SLC16A7: variants seen among roughly 807,000 people sequenced by gnomAD.
SLC16A7 encodes solute carrier family 16 member 7.
Under a neutral mutation model 34.9 loss-of-function variants are expected in SLC16A7, and 33 were observed. The ratio of observed to expected loss-of-function variants is 0.94; its 90% CI spans 0.72 to 1.26. The LOEUF is 1.26. Ranked by LOEUF, SLC16A7 falls within the 50% of genes most tolerant of loss-of-function variation. The pLI is 0.00. For synonymous variants in SLC16A7, 201 were observed against 206.6 expected, an observed-to-expected ratio of 0.97 and a Z score of 0.23; for missense variants, 573 against 578.1, an observed-to-expected ratio of 0.99 and a Z score of 0.09.
chr12:59,766,395 C>G (rs1881634664), intron 3 of SLC16A7, among the ~76,000 whole-genome samples: 1 of 152,126 alleles, frequency 6.6e-6, no homozygotes, highest in South Asian at 2.1e-4. Flanking sequence ...GAGAGGGCAT[C>G]CCTGTCTTGT....
Position 59,678,776 on chromosome 12 carries a change from C to G in SLC16A7, c.-31+23526C>G, listed in dbSNP as rs188484982. Among the ~76,000 whole-genome samples, 168 of 152,204 alleles carry G rather than the reference C, an allele frequency of 1.1e-3. 6 individuals carry two copies. The South Asian group carries it at 0.014, about 12-fold the overall frequency. Reference sequence around the variant, plus strand: ...TTCACCTGGAACCCATCCCTTTCTGCCCAGGAGTCTGTCTTCTGAAGCTGT... The same window carrying G: ...TTCACCTGGAACCCATCCCTTTCTGGCCAGGAGTCTGTCTTCTGAAGCTGT... On this transcript the variant is annotated intron_variant, in intron 2 of 5. Transcript: ENST00000547379.
chr12:59,713,046 G>A (rs373404879), intron 3 of SLC16A7, among the ~76,000 whole-genome samples: 2 of 150,994 alleles, frequency 1.3e-5, no homozygotes, highest in African/African-American at 4.9e-5. Context: ...TTGAGATGTA[G>A]TCTCGCTCTG....
chr12:59,663,544 C>T (rs771322655), intron 2 of SLC16A7, among the ~76,000 whole-genome samples: 10 of 152,118 alleles, frequency 6.6e-5, no homozygotes, highest in East Asian at 3.9e-4. Flanking sequence ...TTACTAGCCA[C>T]GAAGCACCTT....
At chr12:59,755,453 T>G (rs77164432) in intron 3 of SLC16A7, among the ~76,000 whole-genome samples, 3 of 151,442 alleles carry the variant, frequency 2.0e-5, no homozygotes, top group African/African-American at 7.3e-5. Flanking sequence ...CATTCTTATA[T>G]ACCAATAACA....
In SLC16A7 at chr12:59,677,323, G is replaced by T. The variant is rs567214305; in HGVS notation, c.-31+22073G>T. Among the ~76,000 whole-genome samples the T allele has an allele frequency of 2.0e-4, 30 of 152,218 alleles. 1 individual carries two copies. The South Asian group carries it at 6.0e-3, about 31-fold the overall frequency. ...AAATTGAACATTAAAATATTAAAGA[G>T]ATTTTTTTAAGGAGCTCTGAAACCT... On this transcript the variant is annotated intron_variant, in intron 2 of 5. Coordinates refer to ENST00000547379, the MANE Select transcript of SLC16A7 (RefSeq NM_001270623.2).
chr12:59,704,199 C>CAAAAAAAAAAA (rs34021022), intron 2 of SLC16A7, among the ~76,000 whole-genome samples: 4 of 51,606 alleles, frequency 7.8e-5, no homozygotes, highest in East Asian at 5.8e-4. Context: ...GACTCTGTCT[C>CAAAAAAAAAAA]AAAAAAAAAA....
chr12:59,699,001 G>T (rs1198725066), intron 2 of SLC16A7, among the ~76,000 whole-genome samples: 1 of 151,688 alleles, frequency 6.6e-6, no homozygotes, highest in African/African-American at 2.4e-5. Context: ...ATGTAAACAT[G>T]TATAACTGAA....
At chr12:59,665,526 T>C (rs1036630984) in intron 2 of SLC16A7, among the ~76,000 whole-genome samples, 2 of 152,030 alleles carry the variant, frequency 1.3e-5, no homozygotes, top group African/African-American at 4.8e-5. Context: ...AATATTATGG[T>C]ATGATATGAA....
In SLC16A7 at chr12:59,755,672, C is replaced by G. The variant is rs143834080; in HGVS notation, c.218-15547C>G. On this transcript the variant is annotated intron_variant, in intron 3 of 5. Coordinates refer to ENST00000547379, the MANE Select transcript of SLC16A7 (RefSeq NM_001270623.2). ...GGAAGAATCAGTATCATGAAAATGG[C>G]CATACTGCCCAAGGTAATTTCTAGT... Among the ~76,000 whole-genome samples the G allele has an allele frequency of 4.7e-3, 708 of 152,206 alleles. 2 individuals are homozygous for G. Among genetic ancestry groups the G allele is most frequent in the Admixed American group, 0.017 (264 of 15,292 alleles).
At chr12:59,665,603 C>T (rs1027415487) in intron 2 of SLC16A7, among the ~76,000 whole-genome samples, 1 of 151,886 alleles carries the variant, frequency 6.6e-6, no homozygotes, top group South Asian at 2.1e-4. Context: ...ACATTGCTCA[C>T]TAAGTTTTAA....
intron 3 of SLC16A7, among the ~76,000 whole-genome samples, chr12:59,709,618 G>C (rs922192351): frequency 1.3e-5 from 2 of 151,634 alleles, no homozygotes; most frequent in African/African-American, 4.9e-5. Flanking sequence ...CTGTGTTTGA[G>C]ATAGGTAGAG....
intron 2 of SLC16A7, chr12:59,689,388 C>T (rs1192448913): frequency 6.6e-6 from 1 of 151,904 alleles, no homozygotes; most frequent in African/African-American, 2.4e-5. Context: ...ACTTCTGCCT[C>T]AGGTGGGGAG....
intron 1 of SLC16A7, among the ~76,000 whole-genome samples, chr12:59,605,746 CTCTATGTAG>C (rs1351633404): frequency 1.3e-5 from 2 of 152,176 alleles, no homozygotes; most frequent in Non-Finnish European, 2.9e-5. Context: ...ATGCCATCTT[CTCTATGTAG>C]CCAGTCTTAT....
intron 3 of SLC16A7, among the ~76,000 whole-genome samples, chr12:59,734,536 A>G (rs12811364): frequency 0.076 from 11,622 of 152,208 alleles, 538 homozygotes; most frequent in Middle Eastern, 0.17. Flanking sequence ...CTGCACTGGG[A>G]AGTGTGGGTC....
Position 59,779,432 on chromosome 12 carries a change from T to A in SLC16A7, c.1190T>A (p.Val397Glu). 1 of 1,586,636 alleles carries A rather than the reference T, an allele frequency of 6.3e-7. No individual in the cohort carries two copies. Among genetic ancestry groups the A allele is most frequent in the Non-Finnish European group, 8.6e-7 (1 of 1,164,120 alleles). The change falls in exon 6 of 6, where the codon GTG (valine) becomes GAG (glutamate). Residue 397 changes from valine (V) to glutamate (E), a missense_variant. Physicochemically the swap from Val to Glu is moderately radical, Grantham distance 121. Coordinates refer to ENST00000547379, the MANE Select transcript of SLC16A7 (RefSeq NM_001270623.2). ...LLGPPLAGKL[V>E]DLTGEYKYMY... is the part of the protein sequence containing the mutation. ...GTTCTTTGTCTTCTAGGTAAATTGG[T>A]GGATTTAACTGGAGAATATAAATAC... is the stretch of plus-strand genomic sequence containing the variant.
At chr12:59,672,015 ATATATGTGTATATATCG>A (rs2137052160) in intron 2 of SLC16A7, among the ~76,000 whole-genome samples, 1 of 254 alleles carries the variant, frequency 3.9e-3, no homozygotes, top group Non-Finnish European at 6.6e-3. Context: ...ATATATCCGT[ATATATGTGTATATATCG>A]CATATATCCG....
intron 1 of SLC16A7, among the ~76,000 whole-genome samples, chr12:59,599,630 C>T (rs913560848): frequency 6.6e-5 from 10 of 152,152 alleles, no homozygotes; most frequent in African/African-American, 2.4e-4. Context: ...ACACCAAAGA[C>T]GATAACAAAT....
chr12:59,705,068 C>T, intron 3 of SLC16A7, 50 bp downstream of exon 3: 1 of 1,283,138 alleles, frequency 7.8e-7, no homozygotes, highest in Non-Finnish European at 1.1e-6. Flanking sequence ...ATAATTCCTC[C>T]ATGTCACAAT....
At chr12:59,671,280 A>C in intron 2 of SLC16A7, among the ~76,000 whole-genome samples, 1 of 152,182 alleles carries the variant, frequency 6.6e-6, no homozygotes, top group Non-Finnish European at 1.5e-5. Context: ...TATGTTTGAA[A>C]TGATATGGTT....
Sources: allele counts gnomAD v4.1 joint callset (sites outside exome capture counted in the v4.1 genomes callset), GRCh38; gene constraint gnomAD v4.1.1; transcripts MANE v1.5; gene names NCBI Gene and HGNC (gene_info 2026-07-23, HGNC 2026-07-21).